Variants in GPAM observed in about 807,000 individuals in gnomAD.
GPAM encodes the protein glycerol-3-phosphate acyltransferase, mitochondrial.
A neutral mutation model predicts 105.0 loss-of-function variants in GPAM; 56 were observed. The observed-to-expected ratio is 0.53, with a 90% CI of 0.43 to 0.67. The LOEUF is 0.67. GPAM is among the 30% of genes least tolerant of loss of function. The probability of loss-of-function intolerance (pLI) is 0.00; values close to 1 mark genes in which losing one functional copy is unlikely to be tolerated. For synonymous variants in GPAM, 368 were observed against 354.4 expected (o/e 1.04, Z -0.43); for missense variants, 855 against 989.8 (o/e 0.86, Z 1.83).
At chr10:112,183,410 T>G (rs999799068) in intron 1 of GPAM, among the ~76,000 whole-genome samples, 1 of 152,162 alleles carries the variant, frequency 6.6e-6, no homozygotes, top group Non-Finnish European at 1.5e-5. Flanking sequence ...TGGCGGCGCC[T>G]CCGCGCGTGC....
At chr10:112,222,277 G>T in the GPAM span, among the ~76,000 whole-genome samples, 1 of 152,030 alleles carries the variant, frequency 6.6e-6, no homozygotes, top group South Asian at 2.1e-4. Flanking sequence ...CAAATATATG[G>T]TTGCTAAATG....
intron 1 of GPAM, among the ~76,000 whole-genome samples, chr10:112,194,786 A>AC (rs1847703870): frequency 6.6e-6 from 1 of 150,838 alleles, no homozygotes; most frequent in Admixed American, 6.6e-5. Context: ...ATTTCTTTCT[A>AC]CCCCCCTAGA....
Position 112,180,605 on chromosome 10 carries a change from A to G in GPAM, c.103-10T>C. The G allele has an allele frequency of 1.2e-5, 20 of 1,604,424 alleles. No individual in the cohort carries two copies. Among genetic ancestry groups the G allele is most frequent in the Non-Finnish European group, 1.7e-5 (20 of 1,171,340 alleles). On this transcript the variant is annotated splice_polypyrimidine_tract_variant and intron_variant, in intron 3 of 21. Transcript: ENST00000348367. ...TAAAGCCACACTCACCCTGACAAAT[A>G]TTAAGAAAAAAATATAGTTTCTAAA...
chr10:112,197,272 A>T (rs1847734610), intron 1 of GPAM, among the ~76,000 whole-genome samples: 1 of 152,206 alleles, frequency 6.6e-6, no homozygotes, highest in South Asian at 2.1e-4. Flanking sequence ...ATGTTGTGGC[A>T]TGCCTTAGGT....
chr10:112,221,139 AT>A, the GPAM span, among the ~76,000 whole-genome samples: 7 of 151,946 alleles, frequency 4.6e-5, no homozygotes, highest in South Asian at 2.1e-4. Flanking sequence ...TGAAATCTCC[AT>A]TTTTTTTAAT....
chr10:112,224,358 A>G, the GPAM span, among the ~76,000 whole-genome samples: 1 of 152,174 alleles, frequency 6.6e-6, no homozygotes, highest in Non-Finnish European at 1.5e-5. Context: ...ATCTCCTGGA[A>G]AGTAGGGATG....
rs1450649120 is a variant in GPAM, at chr10:112,151,707, G to A, written c.*1843C>T. The A allele has an allele frequency of 3.0e-6, 3 of 985,272 alleles. No individual in the cohort carries two copies. The highest frequency in any genetic ancestry group is 1.7e-5 in the African/African-American group (1 of 57,354). The allele number at this position is 985,272 out of a possible 1,614,324, so 61.0% of individuals were successfully genotyped here. On this transcript the variant is annotated 3_prime_UTR_variant, in exon 22 of 22. Transcript: ENST00000348367. The stretch of plus-strand genomic sequence containing the variant: ...GCGAGTCCCAATCTTGAATAATGGT[G>A]AGCTTGAGTAATCCTTAATTTACAA...
chr10:112,151,224 G>A lies in GPAM; in HGVS notation c.*2326C>T. The A allele has an allele frequency of 1.0e-6, 1 of 985,240 alleles. No homozygotes were observed. Among genetic ancestry groups the A allele is most frequent in the Non-Finnish European group, 1.2e-6 (1 of 829,532 alleles). The allele number at this position is 985,240 out of a possible 1,614,324, so 61.0% of individuals were successfully genotyped here. On this transcript the variant is annotated 3_prime_UTR_variant, in exon 22 of 22. Coordinates refer to ENST00000348367, the MANE Select transcript of GPAM (RefSeq NM_001244949.2). Reference sequence around the variant, plus strand: ...TAAATTATTTACAAGCACCTAGTTTGTTTAACCTTATGTGGAAGCCATCAC... The same window carrying A: ...TAAATTATTTACAAGCACCTAGTTTATTTAACCTTATGTGGAAGCCATCAC...
At chr10:112,184,659 G>A (rs1847570078), upstream of GPAM, among the ~76,000 whole-genome samples, 1 of 152,134 alleles carries the variant, frequency 6.6e-6, no homozygotes, top group Non-Finnish European at 1.5e-5. Context: ...CCTTGAGGAG[G>A]GAAAACAAAT....
In GPAM at chr10:112,152,425, T is replaced by C. The variant is rs1367882525; in HGVS notation, c.*1125A>G. 29 of 985,232 alleles carry C rather than the reference T, an allele frequency of 2.9e-5. No individual in the cohort carries two copies. Among genetic ancestry groups the C allele is most frequent in the Non-Finnish European group, 3.4e-5 (28 of 829,874 alleles). The allele number at this position is 985,232 out of a possible 1,614,324, so 61.0% of individuals were successfully genotyped here. Reference sequence around the variant, plus strand: ...ATTTGTTAAAAGTCATGGTTTTTCCTCAAAGCTAAAAATCCATAAATGCCT... The same window carrying C: ...ATTTGTTAAAAGTCATGGTTTTTCCCCAAAGCTAAAAATCCATAAATGCCT... On this transcript the variant is annotated 3_prime_UTR_variant, in exon 22 of 22. Coordinates refer to ENST00000348367, the MANE Select transcript of GPAM (RefSeq NM_001244949.2).
chr10:112,210,303 G>A (rs1847897359), intron 1 of GPAM, among the ~76,000 whole-genome samples: 1 of 152,164 alleles, frequency 6.6e-6, no homozygotes, highest in Admixed American at 6.5e-5. Flanking sequence ...TAGCATCTCT[G>A]TCCCTTTCTT....
intron 20 of GPAM, chr10:112,154,946 G>A: frequency 1.8e-6 from 1 of 547,318 alleles, no homozygotes; most frequent in Non-Finnish European, 3.3e-6. Flanking sequence ...GGTGTAGAGA[G>A]AGAAATAGGG....
chr10:112,177,128 C>T (rs1847421907), intron 5 of GPAM, among the ~76,000 whole-genome samples: 1 of 152,120 alleles, frequency 6.6e-6, no homozygotes, highest in South Asian at 2.1e-4. Context: ...GAGAGACCAG[C>T]AGCCTGGGAA....
At chr10:112,178,311 A>T (rs915703655) in intron 4 of GPAM, among the ~76,000 whole-genome samples, 8 of 152,152 alleles carry the variant, frequency 5.3e-5, no homozygotes, top group African/African-American at 1.9e-4. Context: ...GCACTTTGGG[A>T]GGCCGAAGCG....
At chr10:112,156,394 G>T in intron 19 of GPAM, 1 of 333,618 alleles carries the variant, frequency 3.0e-6, no homozygotes, top group South Asian at 2.6e-5. Flanking sequence ...GCCCTCCATG[G>T]TTTGAAGCCT....
intron 18 of GPAM, among the ~76,000 whole-genome samples, chr10:112,157,782 T>G (rs578038651): frequency 2.0e-5 from 3 of 152,308 alleles, no homozygotes; most frequent in Non-Finnish European, 4.4e-5. Context: ...CATACAAACT[T>G]CTGGATGTCA....
rs572587301 is a variant in GPAM at position 112,165,698 on chromosome 10, A to C, written c.1221+704T>G. On this transcript the variant is annotated intron_variant, in intron 12 of 21. Transcript: ENST00000348367. ...AGAACATGAAACTCCGTCTCAAAAA[A>C]AAAGTTACCCAGCTTTTAGGGGAGG... Among the ~76,000 whole-genome samples the C allele has an allele frequency of 7.2e-5, 11 of 152,286 alleles. No homozygotes were observed. The South Asian group carries it at 1.2e-3, about 17-fold the overall frequency.
At chr10:112,165,834 T>C (rs969269872) in intron 12 of GPAM, among the ~76,000 whole-genome samples, 1 of 152,232 alleles carries the variant, frequency 6.6e-6, no homozygotes, top group Admixed American at 6.5e-5. Context: ...AATTATTTAT[T>C]CATTTATTCA....
intron 14 of GPAM, among the ~76,000 whole-genome samples, chr10:112,162,435 A>C (rs1847140065): frequency 6.6e-6 from 1 of 152,182 alleles, no homozygotes; most frequent in African/African-American, 2.4e-5. Context: ...AAGGAAGGGC[A>C]CAGACACACA....
Sources: allele counts gnomAD v4.1 joint callset (sites outside exome capture counted in the v4.1 genomes callset), GRCh38; gene constraint gnomAD v4.1.1; transcripts MANE v1.5; gene names NCBI Gene and HGNC (gene_info 2026-07-23, HGNC 2026-07-21).